MOSPD2: variants seen among roughly 807,000 people sequenced by gnomAD.
MOSPD2 encodes motile sperm domain containing 2.
MOSPD2 carries 5 observed loss-of-function variants against 41.7 expected under a neutral mutation model. The observed-to-expected ratio is 0.12, with a 90% confidence interval of 0.06 to 0.25. The LOEUF is 0.25. Among genes scored for constraint, MOSPD2 ranks in the 10% least tolerant of loss-of-function variants. The pLI, the probability that MOSPD2 is intolerant of heterozygous loss-of-function variation, is 1.00. For missense variants in MOSPD2, 282 were observed against 375.2 expected (o/e 0.75, Z 2.05); for synonymous variants, 115 against 126.9 (o/e 0.91, Z 0.63).
At chrX:14,903,089 A>G in intron 7 of MOSPD2, 85 bp downstream of exon 7, 1 of 615,997 alleles carries the variant, frequency 1.6e-6, no homozygotes, top group Admixed American at 2.8e-5. Context: ...ATTGTTTAAA[A>G]TAATGTTTAT....
chrX:14,915,900 G>A (rs2092599595), intron 12 of MOSPD2, 136 bp downstream of exon 12: 5 of 597,860 alleles, frequency 8.4e-6, no homozygotes, highest in South Asian at 6.0e-5. Flanking sequence ...ACCTCACCTC[G>A]CTGTAGACAT....
chrX:14,916,870 T>C (rs753771790), intron 13 of MOSPD2, among the ~76,000 whole-genome samples: 1 of 112,332 alleles, frequency 8.9e-6, no homozygotes, highest in East Asian at 2.8e-4. Flanking sequence ...GATATATACA[T>C]GTATGTGCAT....
chrX:14,891,609 C>A (rs906410294), intron 2 of MOSPD2, among the ~76,000 whole-genome samples: 22 of 106,548 alleles, frequency 2.1e-4, no homozygotes, highest in Non-Finnish European at 5.8e-5. Flanking sequence ...CACTCTGTCA[C>A]CAGGCTGGAG....
intron 13 of MOSPD2, among the ~76,000 whole-genome samples, chrX:14,917,241 G>A (rs1427988042): frequency 1.8e-5 from 2 of 112,241 alleles, no homozygotes; most frequent in East Asian, 5.6e-4. Context: ...TGACATTAGA[G>A]TAGGCCCTGA....
intron 2 of MOSPD2, among the ~76,000 whole-genome samples, chrX:14,886,618 G>A (rs756221823): frequency 2.7e-4 from 30 of 110,567 alleles, no homozygotes; most frequent in Admixed American, 9.6e-5. Context: ...GGCCCTCAGA[G>A]TCTTAGATAT....
chrX:14,916,444 C>G, intron 13 of MOSPD2, 118 bp downstream of exon 13: 1 of 1,074,459 alleles, frequency 9.3e-7, no homozygotes, highest in South Asian at 2.2e-5. Context: ...CCCTGCAAGG[C>G]TCTGGGGATG....
chrX:14,880,366 T>G (rs764691978), intron 2 of MOSPD2, among the ~76,000 whole-genome samples: 1 of 111,828 alleles, frequency 8.9e-6, no homozygotes, highest in African/African-American at 3.2e-5. Context: ...GAATTTACTC[T>G]TATAAATTCT....
chrX:14,921,438 C>T lies in MOSPD2; in HGVS notation c.*1629C>T. ...CCACCCTAAGTACTGTGCACAGTAT[C>T]TCCCTGTGTGTGTGCACAGTGGCTT... On this transcript the variant is annotated 3_prime_UTR_variant, in exon 15 of 15. Transcript: ENST00000380492. 1 of 932,329 alleles carries T rather than the reference C, an allele frequency of 1.1e-6. No homozygotes were observed. The highest frequency in any genetic ancestry group is 4.2e-5 in the East Asian group (1 of 24,038). The allele number at this position is 932,329 out of a possible 1,213,427, so 76.8% of individuals were successfully genotyped here. A position where few individuals can be genotyped will look rare whatever the true frequency, so the allele number is the denominator to read the frequency against.
Position 14,921,110 on chromosome X carries a change from G to T in MOSPD2, c.*1301G>T, listed in dbSNP as rs2092608905. ...GTTTTCTCATTAATATGACCAGTTT[G>T]GGTCTATGTTGGTTCACATGTACAT... On this transcript the variant is annotated 3_prime_UTR_variant, in exon 15 of 15. Coordinates refer to ENST00000380492, the MANE Select transcript of MOSPD2 (RefSeq NM_152581.4). 1.2e-6 allele frequency: 1 copy of T among 829,917 alleles called. No homozygotes were observed. Among genetic ancestry groups the T allele is most frequent in the South Asian group, 6.5e-5 (1 of 15,277 alleles). 68.4% of individuals were successfully genotyped at this position (829,917 alleles called of 1,213,427 possible).
chrX:14,916,782 T>C (rs1183022740), intron 13 of MOSPD2, among the ~76,000 whole-genome samples: 1 of 112,143 alleles, frequency 8.9e-6, no homozygotes, highest in Non-Finnish European at 1.9e-5. Context: ...CTGTGATATA[T>C]TTTAGAAAAC....
intron 6 of MOSPD2, among the ~76,000 whole-genome samples, chrX:14,902,724 G>A (rs1468153001): frequency 8.9e-6 from 1 of 112,052 alleles, no homozygotes; most frequent in Admixed American, 9.5e-5. Flanking sequence ...CAGTGACAGT[G>A]CACTATTGAT....
At chrX:14,876,178 A>G (rs1356235269) in intron 2 of MOSPD2, among the ~76,000 whole-genome samples, 3 of 112,272 alleles carry the variant, frequency 2.7e-5, no homozygotes, top group Non-Finnish European at 5.6e-5. Flanking sequence ...GGAAAGTGAT[A>G]ATAAAAGGGG....
chrX:14,874,015 G>A, intron 2 of MOSPD2: 1 of 396,052 alleles, frequency 2.5e-6, no homozygotes, highest in Middle Eastern at 7.0e-4. Flanking sequence ...GCATGCCCTC[G>A]TGTTTATGGA....
chrX:14,917,187 G>A (rs1438547219), intron 13 of MOSPD2, among the ~76,000 whole-genome samples: 3 of 111,999 alleles, frequency 2.7e-5, no homozygotes, highest in Non-Finnish European at 5.6e-5. Flanking sequence ...GTGTCGAGGT[G>A]GAGAAATCCT....
chrX:14,911,151 G>T, intron 8 of MOSPD2, 86 bp from the exon 9 acceptor site: 5 of 831,608 alleles, frequency 6.0e-6, no homozygotes, highest in Non-Finnish European at 6.8e-6. Flanking sequence ...TGTTTTCTTG[G>T]CCAAAGTAAT....
At chrX:14,906,753 G>T (rs1276149128) in intron 7 of MOSPD2, among the ~76,000 whole-genome samples, 1 of 112,041 alleles carries the variant, frequency 8.9e-6, no homozygotes, top group African/African-American at 3.2e-5. Flanking sequence ...GGCTGGGCAT[G>T]GTGACTCACG....
At chrX:14,873,865 C>T in intron 2 of MOSPD2, 107 bp downstream of exon 2, 1 of 653,324 alleles carries the variant, frequency 1.5e-6, no homozygotes, top group Non-Finnish European at 2.6e-6. Context: ...CCCTTTCGAC[C>T]CTCACAGGAA....
chrX:14,911,180 G>GATTTTTTTTCTAAT, intron 8 of MOSPD2, 57 bp from the exon 9 acceptor site: 1 of 990,900 alleles, frequency 1.0e-6, no homozygotes, highest in Non-Finnish European at 1.4e-6. Flanking sequence ...AATCTACTAA[G>GATTTTTTTTCTAAT]AGAGTTATTT....
intron 7 of MOSPD2, among the ~76,000 whole-genome samples, chrX:14,905,498 T>G (rs1392099919): frequency 5.4e-5 from 6 of 110,176 alleles, no homozygotes; most frequent in South Asian, 3.9e-4. Context: ...ATACCTTTTT[T>G]TTTGTTTGTT....
Sources: allele counts gnomAD v4.1 joint callset (sites outside exome capture counted in the v4.1 genomes callset), GRCh38; gene constraint gnomAD v4.1.1; transcripts MANE v1.5; gene names NCBI Gene and HGNC (gene_info 2026-07-23, HGNC 2026-07-21).